FSD1L: variants seen among roughly 807,000 people sequenced by gnomAD.
The protein encoded by FSD1L is FSD1-like protein.
Under a neutral mutation model 71.6 loss-of-function variants are expected in FSD1L, and 45 were observed. That is an observed-to-expected ratio of 0.63 (90% CI 0.49 to 0.81). FSD1L has a LOEUF of 0.81. Among genes scored for constraint, FSD1L ranks in the 30% least tolerant of loss-of-function variants. FSD1L has a pLI of 0.00. For missense variants in FSD1L, 561 were observed against 618.1 expected, an observed-to-expected ratio of 0.91 and a Z score of 0.98; for synonymous variants, 197 against 207.2, an observed-to-expected ratio of 0.95 and a Z score of 0.42.
intron 7 of FSD1L, among the ~76,000 whole-genome samples, chr9:105,493,796 A>G (rs1168852086): frequency 6.6e-6 from 1 of 152,088 alleles, no homozygotes; most frequent in African/African-American, 2.4e-5. Flanking sequence ...CTGGGTTGAA[A>G]ATTCTTTTCT....
chr9:105,495,987 A>G (rs1255338780), intron 7 of FSD1L, among the ~76,000 whole-genome samples: 1 of 151,140 alleles, frequency 6.6e-6, no homozygotes, highest in Admixed American at 6.6e-5. Context: ...AAAAAAAAAG[A>G]AAAGGAATTC....
chr9:105,459,350 C>A (rs893658361), intron 1 of FSD1L, among the ~76,000 whole-genome samples: 3 of 152,184 alleles, frequency 2.0e-5, no homozygotes, highest in African/African-American at 7.2e-5. Flanking sequence ...TGCTTTTTAT[C>A]TTTATGCCAT....
chr9:105,513,550 T>C (rs776824472), intron 10 of FSD1L: 1 of 1,476,016 alleles, frequency 6.8e-7, no homozygotes. Flanking sequence ...AGCTGTTAAA[T>C]TTAAGTTGTA....
At chr9:105,521,322 G>A (rs1043202730) in intron 10 of FSD1L, 2 of 1,614,160 alleles carry the variant, frequency 1.2e-6, no homozygotes, top group Non-Finnish European at 1.7e-6. Context: ...TGCTGATAAA[G>A]CAGACAGAAC....
intron 10 of FSD1L, among the ~76,000 whole-genome samples, chr9:105,516,270 C>A (rs757772508): frequency 6.6e-6 from 1 of 152,132 alleles, no homozygotes; most frequent in African/African-American, 2.4e-5. Flanking sequence ...GCAGCTTTAG[C>A]GACTTAAACG....
intron 10 of FSD1L, among the ~76,000 whole-genome samples, chr9:105,514,988 A>T (rs1245180810): frequency 6.6e-6 from 1 of 152,054 alleles, no homozygotes; most frequent in Non-Finnish European, 1.5e-5. Flanking sequence ...CTGAAAAGCA[A>T]CTCAGCCTAG....
In FSD1L at chr9:105,520,973, G is replaced by T. The variant is rs891849432; in HGVS notation, c.1025+8037G>T. On this transcript the variant is annotated intron_variant, in intron 10 of 13. Transcript: ENST00000481272. ...ACCAAGAAAGGGGATTTTCATTTTT[G>T]TTTTCACATTTTAAGAAATATTACT... 1.9e-6 allele frequency: 3 copies of T among 1,611,742 alleles called. No homozygotes were observed. The East Asian group carries it at 6.7e-5, about 36-fold the overall frequency.
chr9:105,497,674 T>C (rs1666747968), intron 7 of FSD1L, among the ~76,000 whole-genome samples: 1 of 152,218 alleles, frequency 6.6e-6, no homozygotes, highest in African/African-American at 2.4e-5. Flanking sequence ...GATTAGCTTT[T>C]TAATGTCCAT....
chr9:105,506,552 A>G lies in FSD1L; in HGVS notation c.740A>G (p.Asp247Gly). The G allele has an allele frequency of 6.4e-7, 1 of 1,551,364 alleles. No individual in the cohort carries two copies. Among genetic ancestry groups the G allele is most frequent in the Non-Finnish European group, 8.7e-7 (1 of 1,146,750 alleles). The change falls in exon 8 of 14, where the codon GAT becomes GGT. Residue 247 changes from aspartate (D) to glycine (G), a missense_variant. This residue lies in a region of FSD1L where 410 missense variants were observed against 413.5 expected (regional missense o/e 0.99). Transcript: ENST00000481272. The stretch of plus-strand genomic sequence containing the variant: ...TTTGATGGACTTCCACGTGTAAAGG[A>G]TGAGCGATGCTGGGAGATAATTGAT... ...TNFDGLPRVK[D>G]ERCWEIIDNI...
rs1835300906 is a variant in FSD1L, at chr9:105,523,299, A to C, written c.1025+10363A>C. On this transcript the variant is annotated intron_variant, in intron 10 of 13. Transcript: ENST00000481272. ...ATTGAATATAGATCACATGGAACAG[A>C]AGGATCTGCAGCTCGATGAGAAGCT... 7.5e-6 allele frequency: 12 copies of C among 1,592,416 alleles called. No individual in the cohort carries two copies. In the Middle Eastern group the frequency reaches 5.3e-4, roughly 71 times the overall value.
intron 5 of FSD1L, among the ~76,000 whole-genome samples, chr9:105,474,975 G>T (rs1831699532): frequency 6.6e-6 from 1 of 152,150 alleles, no homozygotes; most frequent in South Asian, 2.1e-4. Flanking sequence ...GTAAATTTAT[G>T]CAGACGGATC....
At chr9:105,518,527 ATG>A (rs1348638165) in intron 10 of FSD1L, among the ~76,000 whole-genome samples, 1 of 152,226 alleles carries the variant, frequency 6.6e-6, no homozygotes, top group East Asian at 1.9e-4. Flanking sequence ...CCACACAACT[ATG>A]TGGAAACTGA....
At chr9:105,490,528 T>C (rs1470609607) in intron 7 of FSD1L, among the ~76,000 whole-genome samples, 2 of 151,016 alleles carry the variant, frequency 1.3e-5, no homozygotes, top group Non-Finnish European at 2.9e-5. Flanking sequence ...CAGTTGTCAA[T>C]TTTGGCTTTT....
chr9:105,498,776 T>G (rs1039675774), intron 7 of FSD1L, among the ~76,000 whole-genome samples: 1 of 152,160 alleles, frequency 6.6e-6, no homozygotes, highest in East Asian at 1.9e-4. Context: ...GACTATGTGT[T>G]GTTTAGAAGT....
At chr9:105,449,136 A>G (rs898099798) in intron 1 of FSD1L, among the ~76,000 whole-genome samples, 1 of 152,214 alleles carries the variant, frequency 6.6e-6, no homozygotes, top group South Asian at 2.1e-4. Context: ...CTAAGAGACT[A>G]TTCTTTTCTA....
intron 13 of FSD1L, among the ~76,000 whole-genome samples, chr9:105,542,903 G>A (rs2518114): frequency 0.68 from 103,217 of 152,028 alleles, 35,392 homozygotes; most frequent in African/African-American, 0.76. Context: ...AGTCCAATTT[G>A]GTAATTTTTT....
chr9:105,494,056 A>G (rs1186904080), intron 7 of FSD1L, among the ~76,000 whole-genome samples: 1 of 152,176 alleles, frequency 6.6e-6, no homozygotes, highest in Non-Finnish European at 1.5e-5. Context: ...CTGCCTTGCT[A>G]GATTGAGGAA....
intron 10 of FSD1L, chr9:105,523,821 A>G (rs1226204534): frequency 7.5e-6 from 12 of 1,599,388 alleles, no homozygotes; most frequent in African/African-American, 1.3e-5. Flanking sequence ...TATTGTCAAT[A>G]CAATCATCAA....
At chr9:105,509,399 C>T (rs1336836176) in intron 9 of FSD1L, among the ~76,000 whole-genome samples, 1 of 152,050 alleles carries the variant, frequency 6.6e-6, no homozygotes, top group African/African-American at 2.4e-5. Flanking sequence ...TGAAAACTCC[C>T]TAGAGTAGCA....
Sources: gnomAD v4.1 joint callset for allele counts (sites outside exome capture counted in the v4.1 genomes callset) on GRCh38, gnomAD v4.1.1 for gene constraint, gnomAD v4.1.1 regional missense constraint, MANE v1.5 for transcripts, NCBI Gene and HGNC (gene_info 2026-07-23, HGNC 2026-07-21) for gene names.